The following CCR5AS variants were observed in gnomAD, a reference collection of about 807,000 sequenced individuals.
CCR5AS encodes the protein CCR5 antisense RNA.
intron 2 of CCR5AS, among the ~76,000 whole-genome samples, chr3:46,390,917 A>G (rs1312364643): frequency 6.6e-6 from 1 of 152,220 alleles, no homozygotes; most frequent in Non-Finnish European, 1.5e-5. Flanking sequence ...TGGAGTGGGT[A>G]GCCTCCGTAT....
intron 2 of CCR5AS, among the ~76,000 whole-genome samples, chr3:46,392,333 C>T (rs1034650584): frequency 3.3e-5 from 5 of 152,128 alleles, no homozygotes; most frequent in African/African-American, 1.2e-4. Flanking sequence ...CTGGTGCCAA[C>T]TTGGAGAGGT....
intron 2 of CCR5AS, chr3:46,373,527 G>A (rs747396322): frequency 1.9e-6 from 3 of 1,613,224 alleles, no homozygotes; most frequent in South Asian, 2.2e-5. Flanking sequence ...GCCGCTGCTT[G>A]TCATGGTCAT....
At chr3:46,399,715 A>G (rs971334648) in intron 1 of CCR5AS, among the ~76,000 whole-genome samples, 7 of 152,200 alleles carry the variant, frequency 4.6e-5, no homozygotes, top group Non-Finnish European at 8.8e-5. Context: ...ATGTAGACAT[A>G]CCACAGTTGC....
chr3:46,401,446 C>A (rs1407411000), intron 1 of CCR5AS, among the ~76,000 whole-genome samples: 1 of 152,190 alleles, frequency 6.6e-6, no homozygotes, highest in Non-Finnish European at 1.5e-5. Context: ...CAAAGGGAGC[C>A]AGGAGAAGCT....
chr3:46,376,970 G>C (rs1701767606), intron 2 of CCR5AS, among the ~76,000 whole-genome samples: 1 of 152,174 alleles, frequency 6.6e-6, no homozygotes, highest in African/African-American at 2.4e-5. Context: ...ACCAAGACTT[G>C]AAGGATTGCC....
At chr3:46,388,023 A>G (rs2106767653) in intron 2 of CCR5AS, among the ~76,000 whole-genome samples, 1 of 152,238 alleles carries the variant, frequency 6.6e-6, no homozygotes, top group South Asian at 2.1e-4. Flanking sequence ...GGAACTGGGT[A>G]TTTTCACTTC....
rs146701630 is a variant in CCR5AS, at chr3:46,381,970, G to C, written n.392-10553C>G. On this transcript the variant is annotated intron_variant and non_coding_transcript_variant, in intron 2 of 3. Coordinates refer to ENST00000451485, the Ensembl canonical transcript of CCR5AS. ...AGAAATTATTTAGGTGGTTAGTGAGGGTCAGAGAGTCCTCGGTAAGATTTG... is the reference window on the plus strand; with the variant it reads ...AGAAATTATTTAGGTGGTTAGTGAGCGTCAGAGAGTCCTCGGTAAGATTTG... Among the ~76,000 whole-genome samples the C allele has an allele frequency of 1.2e-4, 19 of 152,128 alleles. 1 individual carries two copies. In the East Asian group the frequency reaches 3.7e-3, roughly 29 times the overall value.
At position 46,393,900 on chromosome 3, in the gene CCR5AS, C is replaced by A. The variant is rs574025798; in HGVS notation, n.164-848G>T. The stretch of plus-strand genomic sequence containing the variant: ...ATGAAACCATTTTATAACCAAACAA[C>A]ATTTTCCCTCCTGAACTGCACTTTT... On this transcript the variant is annotated intron_variant and non_coding_transcript_variant, in intron 1 of 3. Transcript: ENST00000451485. Among the ~76,000 whole-genome samples the A allele has an allele frequency of 2.0e-5, 3 of 152,366 alleles. No homozygotes were observed. The East Asian group carries it at 5.8e-4, about 29-fold the overall frequency.
intron 3 of CCR5AS, among the ~76,000 whole-genome samples, chr3:46,366,991 A>ACT (rs1203363067): frequency 6.6e-6 from 1 of 152,162 alleles, no homozygotes; most frequent in Non-Finnish European, 1.5e-5. Context: ...TGTCTACTGA[A>ACT]CAACGGGAAG....
rs747754051 is a variant in CCR5AS, at chr3:46,373,642, T to C, written n.392-2225A>G. The C allele has an allele frequency of 9.3e-6, 15 of 1,614,028 alleles. No individual in the cohort carries two copies. The highest frequency in any genetic ancestry group is 1.3e-5 in the Non-Finnish European group (15 of 1,180,020). On this transcript the variant is annotated intron_variant and non_coding_transcript_variant, in intron 2 of 3. Transcript: ENST00000451485. ...ACCATCATGATTGTTTATTTTCTCT[T>C]CTGGGCTCCCTACAACATTGTCCTT... is the stretch of plus-strand genomic sequence containing the variant.
chr3:46,366,562 A>G (rs1234493698), intron 3 of CCR5AS, among the ~76,000 whole-genome samples: 2 of 152,204 alleles, frequency 1.3e-5, no homozygotes, highest in Non-Finnish European at 2.9e-5. Flanking sequence ...CAGCCTGCAC[A>G]TGTCCACTTG....
At chr3:46,378,244 T>C (rs1164711166) in intron 2 of CCR5AS, among the ~76,000 whole-genome samples, 1 of 152,116 alleles carries the variant, frequency 6.6e-6, no homozygotes, top group Non-Finnish European at 1.5e-5. Flanking sequence ...TGTATACAAA[T>C]ACATATTTTT....
At chr3:46,400,977 A>G (rs998170830) in intron 1 of CCR5AS, among the ~76,000 whole-genome samples, 9 of 152,182 alleles carry the variant, frequency 5.9e-5, no homozygotes, top group Non-Finnish European at 8.8e-5. Flanking sequence ...GGGACAGGAG[A>G]TGGTGCGAAT....
chr3:46,372,123 T>A (rs1224115005), intron 2 of CCR5AS, among the ~76,000 whole-genome samples: 1 of 152,214 alleles, frequency 6.6e-6, no homozygotes, highest in Non-Finnish European at 1.5e-5. Flanking sequence ...ATGGGTATGA[T>A]GCTTAGAACA....
At chr3:46,385,157 C>T (rs1356318016) in intron 2 of CCR5AS, among the ~76,000 whole-genome samples, 1 of 152,144 alleles carries the variant, frequency 6.6e-6, no homozygotes, top group Non-Finnish European at 1.5e-5. Flanking sequence ...TCCACAGTCC[C>T]CATTCACGTG....
intron 1 of CCR5AS, among the ~76,000 whole-genome samples, chr3:46,403,986 C>T (rs1702023665): frequency 6.6e-6 from 1 of 152,218 alleles, no homozygotes; most frequent in Non-Finnish European, 1.5e-5. Context: ...TCTACAGCAA[C>T]TGGCAAAGGA....
At chr3:46,372,949 C>T (rs1276255995) in intron 2 of CCR5AS, 1 of 1,610,416 alleles carries the variant, frequency 6.2e-7, no homozygotes, top group South Asian at 1.1e-5. Flanking sequence ...AATTATTATA[C>T]ATCGGAGCCC....
intron 2 of CCR5AS, chr3:46,373,589 G>A: frequency 1.2e-6 from 2 of 1,613,778 alleles, no homozygotes; most frequent in Non-Finnish European, 1.7e-6. Context: ...ATGAGAAGAA[G>A]AGGCACAGGG....
At chr3:46,398,321 C>T (rs774175389) in intron 1 of CCR5AS, among the ~76,000 whole-genome samples, 1 of 152,162 alleles carries the variant, frequency 6.6e-6, no homozygotes. Context: ...AAAGCTACTG[C>T]AGAGAAAATA....
Sources: allele counts gnomAD v4.1 joint callset (sites outside exome capture counted in the v4.1 genomes callset), GRCh38; gene constraint gnomAD v4.1.1; transcripts MANE v1.5; gene names NCBI Gene and HGNC (gene_info 2026-07-23, HGNC 2026-07-21).